SGCZ: variants seen among roughly 807,000 people sequenced by gnomAD.
The protein encoded by SGCZ is sarcoglycan zeta.
SGCZ carries 40 observed loss-of-function variants against 41.3 expected under a neutral mutation model. The ratio of observed to expected loss-of-function variants is 0.97; its 90% confidence interval spans 0.75 to 1.26. The LOEUF is 1.26. Ranked by LOEUF, SGCZ falls within the 50% of genes most tolerant of loss-of-function variation. The pLI is 0.00. For synonymous variants in SGCZ, 206 were observed against 137.5 expected (o/e 1.50, Z -3.49); for missense variants, 552 against 369.8 (o/e 1.49, Z -4.04).
intron 1 of SGCZ, among the ~76,000 whole-genome samples, chr8:14,984,429 T>G (rs1454723447): frequency 6.6e-6 from 1 of 152,212 alleles, no homozygotes; most frequent in African/African-American, 2.4e-5. Context: ...AAATTCATTT[T>G]TAGAGATTAT....
chr8:14,612,463 C>A (rs187702129), intron 1 of SGCZ, among the ~76,000 whole-genome samples: 89 of 152,216 alleles, frequency 5.8e-4, no homozygotes, highest in African/African-American at 2.0e-3. Flanking sequence ...AGTTTCTTCC[C>A]TTTATAACTT....
intron 3 of SGCZ, among the ~76,000 whole-genome samples, chr8:14,255,606 T>A (rs993826325): frequency 6.6e-6 from 1 of 152,056 alleles, no homozygotes; most frequent in Non-Finnish European, 1.5e-5. Context: ...ATTAAAAATT[T>A]AAAAAATATA....
intron 3 of SGCZ, among the ~76,000 whole-genome samples, chr8:14,287,048 T>C (rs951129458): frequency 1.3e-5 from 2 of 152,004 alleles, no homozygotes; most frequent in African/African-American, 2.4e-5. Context: ...AACCTTCCTA[T>C]TTCTCTAATA....
chr8:14,491,918 G>A (rs536296235), intron 2 of SGCZ, among the ~76,000 whole-genome samples: 1 of 151,974 alleles, frequency 6.6e-6, no homozygotes, highest in Admixed American at 6.6e-5. Context: ...TATCATCACA[G>A]AATAATAAAT....
chr8:15,181,753 C>T (rs148594730), intron 1 of SGCZ, among the ~76,000 whole-genome samples: 3 of 152,242 alleles, frequency 2.0e-5, no homozygotes, highest in Non-Finnish European at 4.4e-5. Context: ...TACCTACATA[C>T]ATTTGTGTTT....
intron 2 of SGCZ, among the ~76,000 whole-genome samples, chr8:14,375,992 A>G (rs921732115): frequency 2.0e-5 from 3 of 152,206 alleles, no homozygotes; most frequent in African/African-American, 7.2e-5. Context: ...AAAAAAGCAT[A>G]AATAAGTACA....
At chr8:14,970,366 G>C (rs1045098360) in intron 1 of SGCZ, among the ~76,000 whole-genome samples, 24 of 151,968 alleles carry the variant, frequency 1.6e-4, no homozygotes, top group African/African-American at 5.3e-4. Flanking sequence ...TTTGCTCCTT[G>C]GTAGATTTTG....
At chr8:14,320,060 C>T (rs1285710149) in intron 3 of SGCZ, among the ~76,000 whole-genome samples, 2 of 151,462 alleles carry the variant, frequency 1.3e-5, no homozygotes, top group African/African-American at 2.4e-5. Flanking sequence ...TTTATTTGTG[C>T]AAATATATAA....
At chr8:14,439,310 A>AATAT (rs57569373) in intron 2 of SGCZ, among the ~76,000 whole-genome samples, 4,627 of 142,654 alleles carry the variant, frequency 0.032, 140 homozygotes, top group African/African-American at 0.079. Context: ...AGAAGAAAGA[A>AATAT]ATATATATAT....
At chr8:14,583,215 A>G (rs538948672) in intron 1 of SGCZ, among the ~76,000 whole-genome samples, 3 of 150,640 alleles carry the variant, frequency 2.0e-5, no homozygotes, top group African/African-American at 7.3e-5. Context: ...CTGGTGTGAG[A>G]TGGTATCTCA....
chr8:14,419,273 A>C lies in SGCZ; in HGVS notation c.235-95069T>G, dbSNP rs891160258. ...TATCTGGGTTATTAGACCAGAAAAAAATGTCCTAACAGCTAGATAATGGGA... is the reference window on the plus strand; with the variant it reads ...TATCTGGGTTATTAGACCAGAAAAACATGTCCTAACAGCTAGATAATGGGA... On this transcript the variant is annotated intron_variant, in intron 2 of 7. Coordinates refer to ENST00000382080, the MANE Select transcript of SGCZ (RefSeq NM_139167.4). Among the ~76,000 whole-genome samples the C allele has an allele frequency of 2.6e-5, 4 of 151,948 alleles. No individual in the cohort carries two copies. The South Asian group carries it at 6.2e-4, about 24-fold the overall frequency.
chr8:14,497,442 G>A (rs1802021841), intron 2 of SGCZ, among the ~76,000 whole-genome samples: 1 of 152,148 alleles, frequency 6.6e-6, no homozygotes, highest in African/African-American at 2.4e-5. Flanking sequence ...AAGCTTGTTT[G>A]ACTCACACCC....
chr8:14,569,955 T>A (rs1288082648), intron 1 of SGCZ, among the ~76,000 whole-genome samples: 1 of 151,740 alleles, frequency 6.6e-6, no homozygotes, highest in Non-Finnish European at 1.5e-5. Context: ...AATCTTTTTT[T>A]TTTTTTTCAG....
At chr8:15,075,146 T>C (rs1250110720) in intron 1 of SGCZ, among the ~76,000 whole-genome samples, 1 of 150,356 alleles carries the variant, frequency 6.7e-6, no homozygotes, top group Non-Finnish European at 1.5e-5. Flanking sequence ...TCTTTATATA[T>C]CTCATCTTCA....
intron 2 of SGCZ, among the ~76,000 whole-genome samples, chr8:14,416,245 A>G (rs1023469640): frequency 1.3e-5 from 2 of 151,998 alleles, no homozygotes; most frequent in Non-Finnish European, 1.5e-5. Flanking sequence ...GACATTTCCT[A>G]TAAGAAGTAA....
At chr8:14,237,776 A>G (rs894854938) in intron 3 of SGCZ, 97 bp from the exon 4 acceptor site, 3 of 1,152,612 alleles carry the variant, frequency 2.6e-6, no homozygotes, top group African/African-American at 1.6e-5. Flanking sequence ...TGAAAAATTT[A>G]ATTTGTTTGC....
intron 2 of SGCZ, among the ~76,000 whole-genome samples, chr8:14,436,317 C>G (rs1304268670): frequency 6.6e-6 from 1 of 152,094 alleles, no homozygotes; most frequent in Admixed American, 6.5e-5. Context: ...TAATATTCAG[C>G]GCATATTAAA....
intron 1 of SGCZ, among the ~76,000 whole-genome samples, chr8:14,560,404 T>G (rs1431233592): frequency 6.6e-6 from 1 of 151,952 alleles, no homozygotes; most frequent in Non-Finnish European, 1.5e-5. Context: ...GCTCTGGGGA[T>G]GATCACATTT....
At chr8:14,416,866 T>G in intron 2 of SGCZ, among the ~76,000 whole-genome samples, 1 of 151,858 alleles carries the variant, frequency 6.6e-6, no homozygotes, top group Non-Finnish European at 1.5e-5. Context: ...AGTATAAAAG[T>G]GCTTACTAAA....
Sources: gnomAD v4.1 joint callset for allele counts (sites outside exome capture counted in the v4.1 genomes callset) on GRCh38, gnomAD v4.1.1 for gene constraint, MANE v1.5 for transcripts, NCBI Gene and HGNC (gene_info 2026-07-23, HGNC 2026-07-21) for gene names.